Variants in AGFG2 observed in about 807,000 individuals in gnomAD.
AGFG2 encodes ArfGAP with FG repeats 2.
AGFG2 carries 31 observed loss-of-function variants against 48.0 expected under a neutral mutation model. That is an observed-to-expected ratio of 0.65 (90% confidence interval 0.49 to 0.87). AGFG2 has a LOEUF of 0.87. Among genes scored for constraint, AGFG2 ranks in the 40% least tolerant of loss-of-function variants. The probability of loss-of-function intolerance (pLI) is 0.00; values close to 1 mark genes in which losing one functional copy is unlikely to be tolerated. For missense variants in AGFG2, 599 were observed against 632.6 expected, an observed-to-expected ratio of 0.95 and a Z score of 0.57; for synonymous variants, 229 against 260.8, an observed-to-expected ratio of 0.88 and a Z score of 1.18.
intron 2 of AGFG2, among the ~76,000 whole-genome samples, chr7:100,549,754 G>A (rs1033154384): frequency 3.9e-5 from 6 of 152,038 alleles, no homozygotes; most frequent in East Asian, 1.9e-4. Flanking sequence ...GCTTAATGGT[G>A]CAATCTTGGC....
rs570654403 is a variant in AGFG2 at position 100,551,174 on chromosome 7, A to G, written c.431+663A>G. 1.5e-3 allele frequency among the ~76,000 whole-genome samples: 222 copies of G among 144,520 alleles called. 1 individual carries two copies. The highest frequency in any genetic ancestry group is 4.6e-3 in the African/African-American group (177 of 38,490). The allele number at this position is 144,520 out of a possible 152,430, so 94.8% of individuals were successfully genotyped here. On this transcript the variant is annotated intron_variant, in intron 3 of 11. Transcript: ENST00000300176. The stretch of plus-strand genomic sequence containing the variant: ...AAGTTCCACCTCCCAGGTTCACGCC[A>G]TTCTCCTGTCTCAGCCTCCCGAGTA...
At chr7:100,544,089 CTG>C (rs1194411813) in intron 1 of AGFG2, among the ~76,000 whole-genome samples, 1 of 152,214 alleles carries the variant, frequency 6.6e-6, no homozygotes, top group African/African-American at 2.4e-5. Context: ...CTGAATGCGT[CTG>C]TGAATGAACC....
chr7:100,551,063 TA>T lies in AGFG2; in HGVS notation c.431+553del, dbSNP rs1368209464. Reference sequence around the variant, plus strand: ...ATATATATATATATATATATATATATATATTTCTTTTTTTTTTTTTTTTTGA... The same window carrying T: ...ATATATATATATATATATATATATATTATTTCTTTTTTTTTTTTTTTTTGA... On this transcript the variant is annotated intron_variant, in intron 3 of 11. Transcript: ENST00000300176. 1.4e-4 allele frequency among the ~76,000 whole-genome samples: 16 copies of T among 112,174 alleles called. 2 individuals carry two copies. The highest frequency in any genetic ancestry group is 8.4e-4 in the South Asian group (3 of 3,572). The allele number at this position is 112,174 out of a possible 152,430, so 73.6% of individuals were successfully genotyped here.
At chr7:100,560,805 TCC>T (rs1338884738) in intron 6 of AGFG2, among the ~76,000 whole-genome samples, 4 of 138,210 alleles carry the variant, frequency 2.9e-5, no homozygotes, top group African/African-American at 5.5e-5. Context: ...GTGGAAGATC[TCC>T]CTTTTTTTTT....
At chr7:100,563,083 G>A in intron 9 of AGFG2, 137 bp downstream of exon 9, 1 of 884,114 alleles carries the variant, frequency 1.1e-6, no homozygotes, top group South Asian at 1.7e-5. Context: ...TGCCCACACG[G>A]TGCCAGGCCA....
chr7:100,554,607 G>C (rs1463892572), intron 5 of AGFG2, among the ~76,000 whole-genome samples: 4 of 152,130 alleles, frequency 2.6e-5, no homozygotes. Flanking sequence ...ATAGCCAGTA[G>C]AGGGTTCAGC....
chr7:100,559,834 AAG>A (rs1318133663), intron 6 of AGFG2, among the ~76,000 whole-genome samples: 1 of 151,738 alleles, frequency 6.6e-6, no homozygotes, highest in Non-Finnish European at 1.5e-5. Flanking sequence ...AAAAAAAAAA[AAG>A]TGCATGAAAT....
At chr7:100,561,210 T>G (rs1397332522) in intron 6 of AGFG2, among the ~76,000 whole-genome samples, 2 of 148,602 alleles carry the variant, frequency 1.3e-5, no homozygotes, top group Non-Finnish European at 3.0e-5. Context: ...CACTGCAACC[T>G]CCACTTCCCG....
chr7:100,539,475 G>T lies in AGFG2; in HGVS notation c.129G>T (p.Gly43=). 7.6e-7 allele frequency: 1 copy of T among 1,319,528 alleles called. No homozygotes were observed. The allele number at this position is 1,319,528 out of a possible 1,614,324, so 81.7% of individuals were successfully genotyped here. The change falls in exon 1 of 12, where the codon GGG becomes GGT. Residue 43 remains glycine, a synonymous_variant. Transcript: ENST00000300176. ...AGCTGGGTGGCTGCAGCCAGGCCGGGAACCGCCACTGCTTCGAGTGCGCCC... is the reference window on the plus strand; with the variant it reads ...AGCTGGGTGGCTGCAGCCAGGCCGGTAACCGCCACTGCTTCGAGTGCGCCC... ...VRELGGCSQA[G]NRHCFECAQR...
intron 11 of AGFG2, 129 bp from the exon 12 acceptor site, chr7:100,564,803 C>G (rs1475673736): frequency 1.8e-6 from 2 of 1,090,154 alleles, no homozygotes; most frequent in Non-Finnish European, 2.8e-6. Context: ...CGTGCCTGGC[C>G]TTTTCTCCCT....
At chr7:100,549,809 C>T (rs1216305525) in intron 2 of AGFG2, among the ~76,000 whole-genome samples, 14 of 152,182 alleles carry the variant, frequency 9.2e-5, no homozygotes, top group Non-Finnish European at 5.9e-5. Flanking sequence ...CCTCCCACCT[C>T]AGCCTCCCAA....
chr7:100,555,556 A>G, intron 5 of AGFG2, 54 bp from the exon 6 acceptor site: 1 of 1,579,800 alleles, frequency 6.3e-7, no homozygotes, highest in Non-Finnish European at 8.6e-7. Context: ...TACAGGCGTG[A>G]GCTACCACAC....
At chr7:100,564,887 A>G in intron 11 of AGFG2, 45 bp from the exon 12 acceptor site, 3 of 1,602,224 alleles carry the variant, frequency 1.9e-6, no homozygotes, top group Non-Finnish European at 8.6e-7. Flanking sequence ...CTAAGCTTCC[A>G]GTTCCTCTCC....
At chr7:100,541,444 T>C (rs1800419129) in intron 1 of AGFG2, among the ~76,000 whole-genome samples, 1 of 151,700 alleles carries the variant, frequency 6.6e-6, no homozygotes, top group East Asian at 1.9e-4. Flanking sequence ...CGAGAGTGGG[T>C]GAAGAACTCT....
At chr7:100,547,393 A>G (rs1584381623) in intron 1 of AGFG2, among the ~76,000 whole-genome samples, 1 of 146,358 alleles carries the variant, frequency 6.8e-6, no homozygotes, top group Admixed American at 6.8e-5. Context: ...TATTTGAGCA[A>G]CTCGATTTGG....
At chr7:100,545,324 G>C (rs1053467956) in intron 1 of AGFG2, among the ~76,000 whole-genome samples, 1 of 152,160 alleles carries the variant, frequency 6.6e-6, no homozygotes, top group Non-Finnish European at 1.5e-5. Flanking sequence ...CAGCATGAGG[G>C]TGATGATCAC....
intron 11 of AGFG2, 125 bp downstream of exon 11, chr7:100,564,428 A>T: frequency 9.9e-7 from 1 of 1,011,190 alleles, no homozygotes; most frequent in East Asian, 2.6e-5. Flanking sequence ...GCGTTGTCCA[A>T]GCCAGGGCTG....
chr7:100,550,508 G>A lies in AGFG2; in HGVS notation c.428G>A (p.Arg143Lys), dbSNP rs1324552571. 1 of 1,606,998 alleles carries A rather than the reference G, an allele frequency of 6.2e-7. No individual in the cohort carries two copies. Among genetic ancestry groups the A allele is most frequent in the African/African-American group, 1.3e-5 (1 of 74,832 alleles). ...CTCCAGGAAAAATATGAGAAGAAGA[G>A]ATGGTAAGGAGTAGGAAAGAGGTTG... ...EFLQEKYEKK[R>K]WYVPPDQVKG... Residue 143 changes from arginine to lysine, a missense_variant, in exon 3 of 12, where the codon AGA becomes AAA. Physicochemically the swap from Arg to Lys is conservative, Grantham distance 26. Coordinates refer to ENST00000300176, the MANE Select transcript of AGFG2 (RefSeq NM_006076.5).
Position 100,554,147 on chromosome 7 carries a change from C to A in AGFG2, c.640C>A (p.Pro214Thr). 1 of 1,614,208 alleles carries A rather than the reference C, an allele frequency of 6.2e-7. No individual in the cohort carries two copies. The highest frequency in any genetic ancestry group is 2.2e-5 in the East Asian group (1 of 44,888). Residue 214 changes from proline (P) to threonine (T), a missense_variant, in exon 5 of 12, where the codon CCC becomes ACC. Pro to Thr is a conservative substitution (Grantham distance 38). Transcript: ENST00000300176. ...CCAGGCCCGGAGCACTCAGCCACCT[C>A]CCCACTCCTCTGTCAAAAAAGCCAG... The part of the protein sequence containing the change: ...TSQARSTQPP[P>T]HSSVKKASTD...
Sources: gnomAD v4.1 joint callset for allele counts (sites outside exome capture counted in the v4.1 genomes callset) on GRCh38, gnomAD v4.1.1 for gene constraint, MANE v1.5 for transcripts, NCBI Gene and HGNC (gene_info 2026-07-23, HGNC 2026-07-21) for gene names.